The following ANK1 variants were observed in gnomAD, a reference collection of about 807,000 sequenced individuals.
ANK1 encodes ankyrin-1.
Under a neutral mutation model 210.4 loss-of-function variants are expected in ANK1, and 51 were observed. That is an observed-to-expected ratio of 0.24 (90% CI 0.19 to 0.31). ANK1 has a LOEUF of 0.31. Among genes scored for constraint, ANK1 ranks in the 10% least tolerant of loss-of-function variants. The probability of loss-of-function intolerance (pLI) is 1.00; values close to 1 mark genes in which losing one functional copy is unlikely to be tolerated. For synonymous variants in ANK1, 967 were observed against 1,025.9 expected, an observed-to-expected ratio of 0.94 and a Z score of 1.10; for missense variants, 2,051 against 2,504.4, an observed-to-expected ratio of 0.82 and a Z score of 3.86.
chr8:41,853,203 A>C (rs1423674096), intron 1 of ANK1, among the ~76,000 whole-genome samples: 1 of 152,242 alleles, frequency 6.6e-6, no homozygotes, highest in Non-Finnish European at 1.5e-5. Flanking sequence ...AATTTATAAG[A>C]GAAGAAAAAC....
intron 1 of ANK1, among the ~76,000 whole-genome samples, chr8:41,817,170 G>T (rs558485787): frequency 6.6e-6 from 1 of 152,098 alleles, no homozygotes; most frequent in East Asian, 1.9e-4. Flanking sequence ...TAAGATCTTA[G>T]ATAAGACAGG....
intron 1 of ANK1, among the ~76,000 whole-genome samples, chr8:41,794,874 T>C (rs972536628): frequency 2.6e-5 from 4 of 152,090 alleles, no homozygotes; most frequent in African/African-American, 4.8e-5. Context: ...CTGGCTAATT[T>C]TTTTTATTTT....
intron 16 of ANK1, among the ~76,000 whole-genome samples, chr8:41,712,002 G>A (rs1826276692): frequency 6.6e-6 from 1 of 151,826 alleles, no homozygotes; most frequent in East Asian, 1.9e-4. Flanking sequence ...TTGGCTCGCC[G>A]CAATCTCTGC....
chr8:41,861,625 G>T (rs1813284852), intron 1 of ANK1, among the ~76,000 whole-genome samples: 1 of 152,222 alleles, frequency 6.6e-6, no homozygotes, highest in Non-Finnish European at 1.5e-5. Context: ...CATCTCCAGG[G>T]CTCTGTGCTC....
intron 1 of ANK1, among the ~76,000 whole-genome samples, chr8:41,775,696 A>G (rs573426585): frequency 6.6e-6 from 1 of 152,326 alleles, no homozygotes; most frequent in Admixed American, 6.5e-5. Flanking sequence ...CCTGGGCAAC[A>G]TAGCAAGATC....
intron 1 of ANK1, among the ~76,000 whole-genome samples, chr8:41,817,758 C>T (rs539401295): frequency 2.6e-5 from 4 of 152,244 alleles, no homozygotes; most frequent in African/African-American, 7.2e-5. Flanking sequence ...AGCTCTAAAC[C>T]GAAGATATAC....
At chr8:41,822,120 AAGAGAAAGAAAGAG>A (rs1804477561) in intron 1 of ANK1, among the ~76,000 whole-genome samples, 1 of 30,482 alleles carries the variant, frequency 3.3e-5, no homozygotes, top group African/African-American at 1.1e-4. Flanking sequence ...GAGAGAAAGA[AAGAGAAAGAAAGAG>A]AAAGAAAGAA....
At chr8:41,779,081 G>A (rs144798445) in intron 1 of ANK1, among the ~76,000 whole-genome samples, 2 of 152,240 alleles carry the variant, frequency 1.3e-5, no homozygotes, top group East Asian at 1.9e-4. Flanking sequence ...GTGACACTTG[G>A]GGAGCTGGAT....
chr8:41,779,287 G>T (rs1301079775), intron 1 of ANK1, among the ~76,000 whole-genome samples: 1 of 151,914 alleles, frequency 6.6e-6, no homozygotes, highest in Non-Finnish European at 1.5e-5. Flanking sequence ...TCACTCTGTT[G>T]CCCAGGCTGG....
chr8:41,655,957 T>C (rs987748787), intron 42 of ANK1, among the ~76,000 whole-genome samples: 3 of 152,250 alleles, frequency 2.0e-5, no homozygotes, highest in Non-Finnish European at 1.5e-5. Flanking sequence ...TTGCTCCCTA[T>C]GCAGAGGCTG....
chr8:41,764,014 C>T (rs914435882), intron 1 of ANK1, among the ~76,000 whole-genome samples: 17 of 144,606 alleles, frequency 1.2e-4, no homozygotes, highest in South Asian at 2.3e-4. Flanking sequence ...AGCAACTACA[C>T]ATCATTCAGT....
chr8:41,756,497 C>T (rs1839188753), intron 2 of ANK1, among the ~76,000 whole-genome samples: 1 of 142,762 alleles, frequency 7.0e-6, no homozygotes, highest in Non-Finnish European at 1.5e-5. Flanking sequence ...GGCTGGAGTG[C>T]AATGGCATGA....
chr8:41,787,333 C>T (rs1442594354), intron 1 of ANK1, among the ~76,000 whole-genome samples: 1 of 152,196 alleles, frequency 6.6e-6, no homozygotes, highest in Non-Finnish European at 1.5e-5. Context: ...TGAAAAGCCT[C>T]CCCTACCTAT....
intron 39 of ANK1, chr8:41,664,226 C>T (rs753884192): frequency 2.2e-6 from 1 of 454,832 alleles, no homozygotes; most frequent in Non-Finnish European, 4.4e-6. Flanking sequence ...TATCCCAGCA[C>T]TTTGGGAGGC....
At chr8:41,787,104 G>A (rs1390501960) in intron 1 of ANK1, among the ~76,000 whole-genome samples, 2 of 152,176 alleles carry the variant, frequency 1.3e-5, no homozygotes, top group African/African-American at 4.8e-5. Context: ...GGCCTTAAGG[G>A]GACCAGAGGG....
At chr8:41,850,823 G>A (rs541403721) in intron 1 of ANK1, among the ~76,000 whole-genome samples, 24 of 152,328 alleles carry the variant, frequency 1.6e-4, no homozygotes, top group African/African-American at 5.3e-4. Context: ...TGAATGAGAA[G>A]CTTAGGCAAT....
intron 2 of ANK1, among the ~76,000 whole-genome samples, chr8:41,749,382 T>C (rs1048105485): frequency 1.4e-5 from 2 of 145,206 alleles, no homozygotes; most frequent in South Asian, 2.4e-4. Context: ...ACTGCAACCT[T>C]CGCCTCCCGG....
chr8:41,774,944 A>G (rs1843685036), intron 1 of ANK1, among the ~76,000 whole-genome samples: 1 of 152,246 alleles, frequency 6.6e-6, no homozygotes, highest in African/African-American at 2.4e-5. Context: ...GTGTTTCCAA[A>G]CATTAGGGAA....
intron 1 of ANK1, among the ~76,000 whole-genome samples, chr8:41,805,324 T>A (rs1009962149): frequency 6.6e-6 from 1 of 151,892 alleles, no homozygotes; most frequent in African/African-American, 2.4e-5. Flanking sequence ...CTTGCTACAG[T>A]CTAGAACTTC....
Sources: allele counts gnomAD v4.1 joint callset (sites outside exome capture counted in the v4.1 genomes callset), GRCh38; gene constraint gnomAD v4.1.1; transcripts MANE v1.5; gene names NCBI Gene and HGNC (gene_info 2026-07-23, HGNC 2026-07-21).